Variants in ADCY2 observed in about 807,000 individuals in gnomAD.
ADCY2 encodes the protein adenylate cyclase 2, also known as adenylate cyclase type 2.
A neutral mutation model predicts 125.2 loss-of-function variants in ADCY2; 31 were observed. The observed-to-expected ratio is 0.25, with a 90% CI of 0.19 to 0.33. The LOEUF is 0.33. Ranked by LOEUF, ADCY2 falls within the 10% of genes least tolerant of loss-of-function variation. The pLI, the probability that ADCY2 is intolerant of heterozygous loss-of-function variation, is 1.00. For synonymous variants in ADCY2, 512 were observed against 548.4 expected (o/e 0.93, Z 0.93); for missense variants, 904 against 1,418.2 (o/e 0.64, Z 5.82).
At chr5:7,549,104 T>C (rs975217301) in intron 3 of ADCY2, among the ~76,000 whole-genome samples, 1 of 152,208 alleles carries the variant, frequency 6.6e-6, no homozygotes, top group African/African-American at 2.4e-5. Context: ...TTTCTTCTAG[T>C]TCTTACAAGG....
At chr5:7,402,246 C>T (rs563050748) in intron 1 of ADCY2, among the ~76,000 whole-genome samples, 6 of 152,184 alleles carry the variant, frequency 3.9e-5, no homozygotes, top group Admixed American at 1.3e-4. Context: ...TATATCCAAA[C>T]GTTTGGGAGG....
intron 3 of ADCY2, among the ~76,000 whole-genome samples, chr5:7,566,735 T>C (rs1000680998): frequency 1.1e-4 from 16 of 152,142 alleles, no homozygotes; most frequent in African/African-American, 3.6e-4. Context: ...CTCAGATTCC[T>C]CAGTGGCAAA....
At chr5:7,601,557 G>C (rs1444928069) in intron 3 of ADCY2, among the ~76,000 whole-genome samples, 3 of 152,190 alleles carry the variant, frequency 2.0e-5, no homozygotes, top group Non-Finnish European at 4.4e-5. Context: ...GGCAAGCTCA[G>C]TTTGCCTTAA....
At chr5:7,579,488 T>A (rs1468023430) in intron 3 of ADCY2, among the ~76,000 whole-genome samples, 3 of 151,954 alleles carry the variant, frequency 2.0e-5, no homozygotes, top group Non-Finnish European at 2.9e-5. Context: ...CACCTGAGAC[T>A]GGCTGTTGAA....
chr5:7,582,933 T>G (rs1284644798), intron 3 of ADCY2, among the ~76,000 whole-genome samples: 1 of 152,108 alleles, frequency 6.6e-6, no homozygotes, highest in African/African-American at 2.4e-5. Flanking sequence ...ATAGATCAGT[T>G]ATATACATAG....
intron 2 of ADCY2, among the ~76,000 whole-genome samples, chr5:7,501,759 C>T (rs756223369): frequency 5.3e-5 from 8 of 150,206 alleles, no homozygotes; most frequent in Non-Finnish European, 8.9e-5. Context: ...TTGAGTCCAC[C>T]TTCAGCCTTG....
At chr5:7,813,960 C>CAA in intron 22 of ADCY2, among the ~76,000 whole-genome samples, 1 of 151,666 alleles carries the variant, frequency 6.6e-6, no homozygotes, top group African/African-American at 2.4e-5. Context: ...TATTAAGGAG[C>CAA]AAGATGTTTT....
At chr5:7,580,048 G>C (rs1736378549) in intron 3 of ADCY2, among the ~76,000 whole-genome samples, 1 of 152,170 alleles carries the variant, frequency 6.6e-6, no homozygotes, top group Non-Finnish European at 1.5e-5. Flanking sequence ...TCAGTAATAA[G>C]TGGGAGCTAA....
intron 13 of ADCY2, among the ~76,000 whole-genome samples, chr5:7,724,888 T>C (rs568649140): frequency 1.3e-5 from 2 of 152,272 alleles, no homozygotes; most frequent in Admixed American, 6.5e-5. Flanking sequence ...AAATGAAAGA[T>C]GTGGGAGATA....
chr5:7,752,011 G>A (rs1463108809), intron 15 of ADCY2, among the ~76,000 whole-genome samples: 1 of 152,164 alleles, frequency 6.6e-6, no homozygotes, highest in Non-Finnish European at 1.5e-5. Context: ...AGACAAGTGC[G>A]ATATGGTCAC....
At chr5:7,489,508 G>C (rs1743078742) in intron 2 of ADCY2, among the ~76,000 whole-genome samples, 1 of 152,126 alleles carries the variant, frequency 6.6e-6, no homozygotes, top group Non-Finnish European at 1.5e-5. Context: ...CTAGGCATAT[G>C]GTAGTGAGTG....
At chr5:7,800,706 T>C (rs1744566486) in intron 20 of ADCY2, 1 of 152,130 alleles carries the variant, frequency 6.6e-6, no homozygotes, top group South Asian at 2.1e-4. Flanking sequence ...ATGCACCCTT[T>C]TCCTCAAGCA....
intron 4 of ADCY2, among the ~76,000 whole-genome samples, chr5:7,649,812 G>T (rs901139173): frequency 6.6e-6 from 1 of 152,116 alleles, no homozygotes; most frequent in Non-Finnish European, 1.5e-5. Flanking sequence ...TAGAGCTCTT[G>T]ATGGCCTCCT....
intron 23 of ADCY2, 24 bp downstream of exon 23, chr5:7,817,004 G>T (rs184545117): frequency 7.0e-6 from 11 of 1,576,076 alleles, no homozygotes; most frequent in Non-Finnish European, 9.6e-6. Flanking sequence ...AAGAGGTCTC[G>T]GTTTCAGTTG....
chr5:7,507,478 T>C (rs893750602), intron 2 of ADCY2, among the ~76,000 whole-genome samples: 2 of 150,978 alleles, frequency 1.3e-5, no homozygotes, highest in African/African-American at 2.4e-5. Flanking sequence ...AAAGCCACTT[T>C]TGTAAAAACC....
intron 16 of ADCY2, among the ~76,000 whole-genome samples, chr5:7,765,547 T>C (rs1743350681): frequency 6.6e-6 from 1 of 152,172 alleles, no homozygotes; most frequent in African/African-American, 2.4e-5. Context: ...GTATCTCGTA[T>C]CTCTATTGAC....
intron 3 of ADCY2, among the ~76,000 whole-genome samples, chr5:7,614,904 G>T (rs1421113516): frequency 1.3e-5 from 2 of 152,158 alleles, no homozygotes; most frequent in East Asian, 3.9e-4. Flanking sequence ...CTCTTGCATT[G>T]CTGTAAGGAA....
intron 3 of ADCY2, among the ~76,000 whole-genome samples, chr5:7,532,300 T>C (rs1034362772): frequency 3.3e-5 from 5 of 152,240 alleles, no homozygotes; most frequent in African/African-American, 1.2e-4. Context: ...GAGAGTTTCA[T>C]AGGATTTTCA....
At chr5:7,535,929 A>G (rs1259280789) in intron 3 of ADCY2, among the ~76,000 whole-genome samples, 1 of 152,238 alleles carries the variant, frequency 6.6e-6, no homozygotes, top group East Asian at 1.9e-4. Context: ...TAGCTATTTA[A>G]CCAGTCAGAG....
Sources: gnomAD v4.1 joint callset for allele counts (sites outside exome capture counted in the v4.1 genomes callset) on GRCh38, gnomAD v4.1.1 for gene constraint, MANE v1.5 for transcripts, NCBI Gene and HGNC (gene_info 2026-07-23, HGNC 2026-07-21) for gene names.